The following VMP1 variants were observed in gnomAD, a reference collection of about 807,000 sequenced individuals.
VMP1 encodes the protein ectopic P-granules autophagy protein 3 homolog.
VMP1 carries 11 observed loss-of-function variants against 56.0 expected under a neutral mutation model. That is an observed-to-expected ratio of 0.20 (90% CI 0.12 to 0.32). VMP1 has a LOEUF of 0.32. Among genes scored for constraint, VMP1 ranks in the 10% least tolerant of loss-of-function variants. The pLI, the probability that VMP1 is intolerant of heterozygous loss-of-function variation, is 1.00. For synonymous variants in VMP1, 149 were observed against 165.0 expected, an observed-to-expected ratio of 0.90 and a Z score of 0.74; for missense variants, 296 against 490.3, an observed-to-expected ratio of 0.60 and a Z score of 3.74.
At chr17:59,745,604 T>G (rs1334303764) in intron 5 of VMP1, among the ~76,000 whole-genome samples, 1 of 152,226 alleles carries the variant, frequency 6.6e-6, no homozygotes, top group Non-Finnish European at 1.5e-5. Context: ...TTCTTTTATA[T>G]GTAGGAAATG....
At chr17:59,796,620 G>A (rs1347635388) in intron 7 of VMP1, among the ~76,000 whole-genome samples, 1 of 152,100 alleles carries the variant, frequency 6.6e-6, no homozygotes, top group Non-Finnish European at 1.5e-5. Flanking sequence ...TTTTCCTAAG[G>A]AAATTGGAAG....
intron 6 of VMP1, among the ~76,000 whole-genome samples, chr17:59,767,328 T>G (rs919844481): frequency 1.3e-5 from 2 of 152,142 alleles, no homozygotes; most frequent in African/African-American, 4.8e-5. Flanking sequence ...AAAAGAATTA[T>G]AAAGGAAATA....
intron 1 of VMP1, among the ~76,000 whole-genome samples, chr17:59,718,332 G>C (rs1365458724): frequency 4.0e-5 from 6 of 151,520 alleles, no homozygotes; most frequent in Non-Finnish European, 8.8e-5. Flanking sequence ...AAGTAGCTGG[G>C]ATTACAGGCG....
intron 7 of VMP1, among the ~76,000 whole-genome samples, chr17:59,782,838 A>C (rs1349219635): frequency 6.6e-6 from 1 of 152,192 alleles, no homozygotes; most frequent in African/African-American, 2.4e-5. Flanking sequence ...ACAAACAAAA[A>C]AAACCACTTG....
At position 59,840,007 on chromosome 17, in the gene VMP1, C is replaced by T; in HGVS notation, c.*96C>T. ...GGGAAGGAAAATTCCCTTTTCCAAC[C>T]TGTATCAATTTTTACAACTTTTTTC... On this transcript the variant is annotated 3_prime_UTR_variant, in exon 12 of 12. Transcript: ENST00000262291. The T allele has an allele frequency of 6.6e-7, 1 of 1,509,186 alleles. No homozygotes were observed. Among genetic ancestry groups the T allele is most frequent in the Non-Finnish European group, 8.9e-7 (1 of 1,117,644 alleles). The allele number at this position is 1,509,186 out of a possible 1,614,324, so 93.5% of individuals were successfully genotyped here. A position where few individuals can be genotyped will look rare whatever the true frequency, so the allele number is the denominator to read the frequency against.
chr17:59,808,378 A>G (rs1310915175), intron 7 of VMP1, among the ~76,000 whole-genome samples: 2 of 152,236 alleles, frequency 1.3e-5, no homozygotes, highest in Non-Finnish European at 2.9e-5. Context: ...TTATTGCCAC[A>G]TAACTGTTTT....
At chr17:59,730,718 C>A (rs368795300) in intron 1 of VMP1, among the ~76,000 whole-genome samples, 4 of 152,222 alleles carry the variant, frequency 2.6e-5, no homozygotes, top group African/African-American at 9.6e-5. Context: ...AAGAATGATA[C>A]AATCACAGGC....
chr17:59,836,200 CT>C (rs994713898), intron 10 of VMP1, among the ~76,000 whole-genome samples: 2 of 150,910 alleles, frequency 1.3e-5, no homozygotes, highest in African/African-American at 4.9e-5. Context: ...ATTAAAGAAT[CT>C]TTTTTTTATT....
chr17:59,776,739 T>G (rs530223509), intron 7 of VMP1, among the ~76,000 whole-genome samples: 1 of 152,338 alleles, frequency 6.6e-6, no homozygotes, highest in African/African-American at 2.4e-5. Flanking sequence ...TGGCACTAAC[T>G]AATGTATGTC....
intron 6 of VMP1, among the ~76,000 whole-genome samples, chr17:59,767,597 G>T (rs2036276984): frequency 6.6e-6 from 1 of 151,926 alleles, no homozygotes. Context: ...TACATTGCTG[G>T]ATTAACCTTA....
At chr17:59,806,796 T>C (rs930621175) in intron 7 of VMP1, among the ~76,000 whole-genome samples, 3 of 151,978 alleles carry the variant, frequency 2.0e-5, no homozygotes, top group Admixed American at 6.6e-5. Context: ...AAATTAATAA[T>C]TATCTCTTTG....
chr17:59,791,026 C>G (rs2037205475), intron 7 of VMP1, among the ~76,000 whole-genome samples: 1 of 152,124 alleles, frequency 6.6e-6, no homozygotes, highest in Non-Finnish European at 1.5e-5. Flanking sequence ...AGCATGAAAT[C>G]ATAACTTCGC....
chr17:59,814,678 A>G (rs753824068), intron 9 of VMP1, among the ~76,000 whole-genome samples: 2 of 152,154 alleles, frequency 1.3e-5, no homozygotes, highest in Non-Finnish European at 2.9e-5. Context: ...ATACTTGCCT[A>G]AGGCCCTAGA....
At chr17:59,813,903 T>C (rs900869767) in intron 9 of VMP1, among the ~76,000 whole-genome samples, 5 of 152,162 alleles carry the variant, frequency 3.3e-5, no homozygotes, top group African/African-American at 1.2e-4. Context: ...ATGCAACTTA[T>C]CAGACCTTTC....
rs771467030 is a variant in VMP1, at chr17:59,839,739, A to T, written c.1078-29A>T. ...CTACTGAACTAATGAAGCCTTTTTCATTGCATTGTTCTGCATTTATTTCTA... is the reference window on the plus strand; with the variant it reads ...CTACTGAACTAATGAAGCCTTTTTCTTTGCATTGTTCTGCATTTATTTCTA... On this transcript the variant is annotated intron_variant, in intron 11 of 11. Coordinates refer to ENST00000262291, the MANE Select transcript of VMP1 (RefSeq NM_030938.5). 8 of 1,582,942 alleles carry T rather than the reference A, an allele frequency of 5.1e-6. No individual in the cohort carries two copies. The East Asian group carries it at 6.8e-5, about 13-fold the overall frequency.
At chr17:59,831,791 G>T (rs2038815077) in intron 10 of VMP1, among the ~76,000 whole-genome samples, 1 of 45,886 alleles carries the variant, frequency 2.2e-5, no homozygotes, top group Non-Finnish European at 3.9e-5. Context: ...AATTTTATTT[G>T]CATTCCTGAG....
At chr17:59,754,949 T>C (rs1485490236) in intron 5 of VMP1, among the ~76,000 whole-genome samples, 1 of 150,892 alleles carries the variant, frequency 6.6e-6, no homozygotes, top group East Asian at 1.9e-4. Flanking sequence ...AATTTGTTGT[T>C]GAGCATACAT....
intron 5 of VMP1, among the ~76,000 whole-genome samples, chr17:59,749,703 G>C (rs996906076): frequency 4.6e-5 from 7 of 151,964 alleles, no homozygotes; most frequent in Admixed American, 4.6e-4. Context: ...TAGAGACGGG[G>C]TTTCACCATG....
chr17:59,829,089 G>C (rs988183205), intron 10 of VMP1, among the ~76,000 whole-genome samples: 1 of 152,138 alleles, frequency 6.6e-6, no homozygotes, highest in Non-Finnish European at 1.5e-5. Flanking sequence ...GCACTCCATC[G>C]TGGGTGATAG....
Sources: allele counts gnomAD v4.1 joint callset (sites outside exome capture counted in the v4.1 genomes callset), GRCh38; gene constraint gnomAD v4.1.1; transcripts MANE v1.5; gene names NCBI Gene and HGNC (gene_info 2026-07-23, HGNC 2026-07-21).